CCDC183: variants seen among roughly 807,000 people sequenced by gnomAD.
The protein encoded by CCDC183 is coiled-coil domain-containing protein 183.
In CCDC183, 63 loss-of-function variants were observed where a neutral mutation model predicts 65.2. The ratio of observed to expected loss-of-function variants is 0.97; its 90% CI spans 0.79 to 1.19. CCDC183 has a LOEUF of 1.19. CCDC183 is among the 50% of genes most tolerant of loss of function. The pLI, the probability that CCDC183 is intolerant of heterozygous loss-of-function variation, is 0.00. For missense variants in CCDC183, 769 were observed against 689.3 expected (o/e 1.12, Z -1.30); for synonymous variants, 323 against 276.5 (o/e 1.17, Z -1.67).
intron 13 of CCDC183, 118 bp downstream of exon 13, chr9:136,807,184 A>G: frequency 1.1e-6 from 1 of 896,706 alleles, no homozygotes; most frequent in Non-Finnish European, 1.8e-6. Context: ...TACAGGGTGC[A>G]TCAGTTGTAC....
chr9:136,802,563 A>G, intron 5 of CCDC183, 101 bp from the exon 6 acceptor site: 3 of 1,482,136 alleles, frequency 2.0e-6, no homozygotes, highest in Non-Finnish European at 2.7e-6. Flanking sequence ...GCCACAGAGG[A>G]GAACCTATCA....
chr9:136,806,371 C>T (rs980967176), intron 10 of CCDC183, 133 bp downstream of exon 10: 5 of 1,391,138 alleles, frequency 3.6e-6, no homozygotes, highest in Non-Finnish European at 4.9e-6. Context: ...CCAGGGGACT[C>T]CACTTGCACA....
rs1427095233 is a variant in CCDC183, at chr9:136,804,645, G to T, written c.792+18G>T. 2 of 1,613,390 alleles carry T rather than the reference G, an allele frequency of 1.2e-6. No individual in the cohort carries two copies. Among genetic ancestry groups the T allele is most frequent in the Non-Finnish European group, 1.7e-6 (2 of 1,179,732 alleles). On this transcript the variant is annotated intron_variant, in intron 7 of 13. Coordinates refer to ENST00000338005, the MANE Select transcript of CCDC183 (RefSeq NM_001039374.5). The surrounding 1 kb of genome is among the most constrained non-coding windows in gnomAD (Gnocchi z 4.1). ...ACCGCCGGGTAAGCCCCAGGCCAGGGCCTGGCTGGCTGCCCATCCCCATGA... is the reference window on the plus strand; with the variant it reads ...ACCGCCGGGTAAGCCCCAGGCCAGGTCCTGGCTGGCTGCCCATCCCCATGA...
rs766364374 is a variant in CCDC183, at chr9:136,807,079, GA to G, written c.1486+15del. 6.2e-7 allele frequency: 1 copy of G among 1,612,222 alleles called. No homozygotes were observed. ...GAGGATATGATCGGTACAGGCCCCG[GA>G]ACTGGGGCCCGGGCTGCAGGCGGGT... On this transcript the variant is annotated intron_variant, in intron 13 of 13. Coordinates refer to ENST00000338005, the MANE Select transcript of CCDC183 (RefSeq NM_001039374.5).
rs745463947 is a variant in CCDC183 at position 136,800,462 on chromosome 9, T to G, written c.512T>G (p.Leu171Arg). 1 of 1,612,068 alleles carries G rather than the reference T, an allele frequency of 6.2e-7. No homozygotes were observed. Among genetic ancestry groups the G allele is most frequent in the South Asian group, 1.1e-5 (1 of 90,818 alleles). The change falls in exon 5 of 14, where the codon CTG (leucine) becomes CGG (arginine). Residue 171 changes from leucine to arginine, a missense_variant. Physicochemically the swap from Leu to Arg is moderately radical, Grantham distance 102. Transcript: ENST00000338005. ...KIITSQNIHLLYLDLLDYLKT... is the reference protein window; with the variant it reads ...KIITSQNIHLRYLDLLDYLKT... ...ATCACCAGCCAGAACATCCACCTGC[T>G]GTATTTGGACCTGCTGGATTATCTG...
chr9:136,804,466 A>G lies in CCDC183; in HGVS notation c.667-36A>G. 2 of 1,599,908 alleles carry G rather than the reference A, an allele frequency of 1.3e-6. No homozygotes were observed. The highest frequency in any genetic ancestry group is 1.7e-6 in the Non-Finnish European group (2 of 1,173,768). On this transcript the variant is annotated intron_variant, in intron 6 of 13. Coordinates refer to ENST00000338005, the MANE Select transcript of CCDC183 (RefSeq NM_001039374.5). This position sits in a 1 kb window ranked among gnomAD's most constrained non-coding sequence, Gnocchi z 4.1. ...CTGCCATTAGGGGCCTTGTTGAGAC[A>G]GCTCCCCAACCCTGTGCCCACCCGC...
intron 2 of CCDC183, chr9:136,799,484 C>T (rs188528312): frequency 4.4e-4 from 308 of 701,174 alleles, no homozygotes; most frequent in African/African-American, 3.9e-3. Context: ...TCTGGCTCTC[C>T]GGCCAGCTAG....
At chr9:136,801,388 T>C (rs1378005613) in intron 5 of CCDC183, among the ~76,000 whole-genome samples, 1 of 151,166 alleles carries the variant, frequency 6.6e-6, no homozygotes, top group Non-Finnish European at 1.5e-5. Flanking sequence ...CCTTCTTCTG[T>C]TTAGAACATA....
intron 2 of CCDC183, 41 bp downstream of exon 2, chr9:136,799,264 G>A: frequency 1.3e-6 from 2 of 1,563,256 alleles, no homozygotes; most frequent in Non-Finnish European, 1.7e-6. Context: ...GGCGAGCAGG[G>A]CAGGAGCTGA....
At position 136,799,167 on chromosome 9, in the gene CCDC183, G is replaced by T. The variant is rs1435072075; in HGVS notation, c.136G>T (p.Ala46Ser). ...ENMDQNKATL[A>S]LLRSNIRRGA... Reference sequence around the variant, plus strand: ...TATGGACCAGAACAAGGCCACGCTGGCCCTCCTGCGCAGCAACATCCGCCG... The same window carrying T: ...TATGGACCAGAACAAGGCCACGCTGTCCCTCCTGCGCAGCAACATCCGCCG... Residue 46 changes from alanine to serine, a missense_variant, in exon 2 of 14, where the codon GCC becomes TCC. Coordinates refer to ENST00000338005, the MANE Select transcript of CCDC183 (RefSeq NM_001039374.5). 1 of 1,612,762 alleles carries T rather than the reference G, an allele frequency of 6.2e-7. No homozygotes were observed. The highest frequency in any genetic ancestry group is 1.3e-5 in the African/African-American group (1 of 75,030).
chr9:136,800,031 C>T lies in CCDC183; in HGVS notation c.300C>T (p.Val100=). The T allele has an allele frequency of 6.3e-7, 1 of 1,590,394 alleles. No homozygotes were observed. The highest frequency in any genetic ancestry group is 8.6e-7 in the Non-Finnish European group (1 of 1,169,324). ...TGCGGGAGAAGCTGCGCAAGTACGT[C>T]TTCGACCGCGTGAACATGCACAACC... is the stretch of plus-strand genomic sequence containing the variant. ...EVVREKLRKY[V]FDRVNMHNLL... Residue 100 remains valine, a synonymous_variant, in exon 4 of 14, where the codon GTC becomes GTT. Transcript: ENST00000338005.
In CCDC183 at chr9:136,805,357, TGAG is replaced by T; in HGVS notation, c.852_854del (p.Arg285del). On this transcript the variant is annotated inframe_deletion and splice_region_variant, in exon 9 of 14. Coordinates refer to ENST00000338005, the MANE Select transcript of CCDC183 (RefSeq NM_001039374.5). ...CTGCCCCTCCCCTCTGCTCTGCCAG[TGAG>T]GAGAAAAGAGACCTCCACAGCAGAA... 7 of 1,611,716 alleles carry T rather than the reference TGAG, an allele frequency of 4.3e-6. No homozygotes were observed. The highest frequency in any genetic ancestry group is 5.9e-6 in the Non-Finnish European group (7 of 1,178,828).
rs556613136 is a variant in CCDC183 at position 136,807,471 on chromosome 9, G to T, written c.1487-101G>T. On this transcript the variant is annotated intron_variant, in intron 13 of 13. Coordinates refer to ENST00000338005, the MANE Select transcript of CCDC183 (RefSeq NM_001039374.5). ...ACGCTGGGGCTGTCCCTGGGGCAAGGCACCTGGCCCGGGTCGGTGGAGGGC... is the reference window on the plus strand; with the variant it reads ...ACGCTGGGGCTGTCCCTGGGGCAAGTCACCTGGCCCGGGTCGGTGGAGGGC... 489 of 1,399,590 alleles carry T rather than the reference G, an allele frequency of 3.5e-4. 3 individuals are homozygous for T. In the South Asian group the frequency reaches 3.8e-3, roughly 11 times the overall value. 86.7% of individuals were successfully genotyped at this position (1,399,590 alleles called of 1,614,324 possible).
intron 10 of CCDC183, 67 bp downstream of exon 10, chr9:136,806,305 G>A: frequency 6.6e-7 from 1 of 1,513,702 alleles, no homozygotes; most frequent in African/African-American, 1.4e-5. Context: ...GCTGCAGCCA[G>A]GCTGGGAGCT....
intron 1 of CCDC183, among the ~76,000 whole-genome samples, chr9:136,798,578 T>A (rs1847687498): frequency 6.6e-6 from 1 of 152,166 alleles, no homozygotes; most frequent in Admixed American, 6.5e-5. Context: ...ATTACAGGTG[T>A]GAGCCACCGC....
chr9:136,796,540 AAAAG>A, intron 1 of CCDC183, 73 bp downstream of exon 1: 1 of 1,005,608 alleles, frequency 9.9e-7, no homozygotes. Flanking sequence ...TTTTGTGGGG[AAAAG>A]AGAGATCAGA....
intron 5 of CCDC183, chr9:136,800,737 G>T: frequency 2.0e-6 from 1 of 511,160 alleles, no homozygotes; most frequent in Non-Finnish European, 3.5e-6. Flanking sequence ...TAAATGATTT[G>T]GTATTGTTTG....
At chr9:136,796,527 A>G in intron 1 of CCDC183, 60 bp downstream of exon 1, 3 of 1,183,526 alleles carry the variant, frequency 2.5e-6, no homozygotes, top group Admixed American at 2.0e-5. Flanking sequence ...TGGGTGCACA[A>G]CTTTTTGTGG....
At position 136,800,152 on chromosome 9, in the gene CCDC183, G is replaced by C. The variant is rs1309529264; in HGVS notation, c.421G>C (p.Glu141Gln). ...GAGCCAGCCCGACGCCAGCAAGGAG[G>C]AGCTGCGGCTGCTGCAGGTGGAGAG... is the stretch of plus-strand genomic sequence containing the variant. ...LRSQPDASKE[E>Q]LRLLQIIRQL... Residue 141 changes from glutamate (E) to glutamine (Q), a missense_variant, in exon 4 of 14, where the codon GAG (glutamate) becomes CAG (glutamine). Physicochemically the swap from Glu to Gln is conservative, Grantham distance 29 (BLOSUM62 2). Transcript: ENST00000338005. 2.0e-6 allele frequency: 3 copies of C among 1,534,322 alleles called. No homozygotes were observed. The highest frequency in any genetic ancestry group is 2.4e-5 in the East Asian group (1 of 40,868).
Sources: gnomAD v4.1 joint callset for allele counts (sites outside exome capture counted in the v4.1 genomes callset) on GRCh38, gnomAD v4.1.1 for gene constraint, Gnocchi (gnomAD v3.1) non-coding constraint, MANE v1.5 for transcripts, NCBI Gene and HGNC (gene_info 2026-07-23, HGNC 2026-07-21) for gene names.